RFX4: variants seen among roughly 807,000 people sequenced by gnomAD.
RFX4 encodes regulatory factor X4, also known as transcription factor RFX4.
RFX4 carries 10 observed loss-of-function variants against 95.0 expected under a neutral mutation model. The ratio of observed to expected loss-of-function variants is 0.11; its 90% CI spans 0.06 to 0.18. The LOEUF (loss-of-function observed/expected upper bound fraction) is 0.18, where lower values mean the gene tolerates loss of function less well. Among genes scored for constraint, RFX4 ranks in the 10% least tolerant of loss-of-function variants. The pLI is 1.00. For synonymous variants in RFX4, 321 were observed against 340.7 expected, an observed-to-expected ratio of 0.94 and a Z score of 0.64; for missense variants, 640 against 922.0, an observed-to-expected ratio of 0.69 and a Z score of 3.96.
intron 2 of RFX4, among the ~76,000 whole-genome samples, chr12:106,624,309 T>G (rs1441589025): frequency 6.6e-6 from 1 of 152,136 alleles, no homozygotes; most frequent in Non-Finnish European, 1.5e-5. Flanking sequence ...TAATAATTTT[T>G]TCATTTTTAT....
chr12:106,685,273 A>G (rs2041620166), intron 5 of RFX4, among the ~76,000 whole-genome samples: 1 of 151,784 alleles, frequency 6.6e-6, no homozygotes, highest in Non-Finnish European at 1.5e-5. Flanking sequence ...ATGTTTTGTA[A>G]GTGATTCTTA....
At chr12:106,733,110 T>G in intron 15 of RFX4, 25 bp downstream of exon 15, 1 of 1,611,560 alleles carries the variant, frequency 6.2e-7, no homozygotes, top group Non-Finnish European at 8.5e-7. Context: ...TTCAAAAACT[T>G]TGGGTAGTTA....
rs115150410 is a variant in RFX4, at chr12:106,680,049, C to T, written c.316-1944C>T. On this transcript the variant is annotated intron_variant, in intron 4 of 17. Transcript: ENST00000392842. ...GGGATTTATTGCCTACAAAGTGGTA[C>T]CCTTAAAGAATTCAGAGAATTGTTG... Among the ~76,000 whole-genome samples the T allele has an allele frequency of 8.3e-3, 1,269 of 152,282 alleles. 25 individuals carry two copies. Among genetic ancestry groups the T allele is most frequent in the African/African-American group, 0.029 (1,211 of 41,556 alleles).
intron 1 of RFX4, among the ~76,000 whole-genome samples, chr12:106,591,130 C>CTTAT (rs1555223849): frequency 6.6e-6 from 1 of 151,924 alleles, no homozygotes; most frequent in African/African-American, 2.4e-5. Context: ...ACAATCTCTT[C>CTTAT]TTCTTTCTTT....
intron 1 of RFX4, among the ~76,000 whole-genome samples, chr12:106,603,944 G>A (rs1262090149): frequency 2.6e-5 from 4 of 152,056 alleles, no homozygotes; most frequent in Non-Finnish European, 5.9e-5. Flanking sequence ...TTTATTGTGC[G>A]ACATCTATGG....
At chr12:106,642,071 C>T (rs1188267747) in intron 3 of RFX4, among the ~76,000 whole-genome samples, 7 of 151,564 alleles carry the variant, frequency 4.6e-5, no homozygotes, top group Non-Finnish European at 8.8e-5. Flanking sequence ...AGTGCAATGG[C>T]GTGAGCTCGG....
chr12:106,677,871 T>C (rs1173489095), intron 4 of RFX4, among the ~76,000 whole-genome samples: 2 of 151,986 alleles, frequency 1.3e-5, no homozygotes, highest in Non-Finnish European at 2.9e-5. Flanking sequence ...TCAGGAGACA[T>C]CCTGAAGGCA....
chr12:106,689,369 G>C lies in RFX4; in HGVS notation c.669+5G>C. The C allele has an allele frequency of 6.2e-7, 1 of 1,601,818 alleles. No individual in the cohort carries two copies. Among genetic ancestry groups the C allele is most frequent in the Non-Finnish European group, 8.6e-7 (1 of 1,168,782 alleles). ...ATAAGAGCCAACTTTGATGAGGTAG[G>C]TCAACAAGGGTTGAGCTGTGAATAC... On this transcript the variant is annotated splice_donor_5th_base_variant and intron_variant, in intron 7 of 17. Transcript: ENST00000392842.
rs1237404104 is a variant in RFX4 at position 106,720,490 on chromosome 12, C to G, written c.1234-269C>G. Among the ~76,000 whole-genome samples the G allele has an allele frequency of 6.6e-6, 1 of 152,112 alleles. No individual in the cohort carries two copies. Among genetic ancestry groups the G allele is most frequent in the Non-Finnish European group, 1.5e-5 (1 of 68,034 alleles). On this transcript the variant is annotated intron_variant, in intron 12 of 17. Transcript: ENST00000392842. This position sits in a 1 kb window ranked among gnomAD's most constrained non-coding sequence, Gnocchi z 4.2. ...TTGACCTCCCCAGGCTCATGTGATC[C>G]TCCCACCTCAGCCTCCTGAGTAGCT...
Position 106,713,015 on chromosome 12 carries a change from C to T in RFX4, c.993+1504C>T, listed in dbSNP as rs186882210. Among the ~76,000 whole-genome samples the T allele has an allele frequency of 1.9e-3, 286 of 152,290 alleles. 1 individual carries two copies. Among genetic ancestry groups the T allele is most frequent in the African/African-American group, 6.4e-3 (265 of 41,566 alleles). On this transcript the variant is annotated intron_variant, in intron 10 of 17. Coordinates refer to ENST00000392842, the MANE Select transcript of RFX4 (RefSeq NM_213594.3). ...GCACAAGCGTAGGGGCGCACACACA[C>T]GTTCCCTCTCCACCTTCCGCACAAA...
At chr12:106,622,010 A>G (rs2040196205) in intron 2 of RFX4, among the ~76,000 whole-genome samples, 1 of 152,102 alleles carries the variant, frequency 6.6e-6, no homozygotes, top group South Asian at 2.1e-4. Context: ...AGTGCAAGCT[A>G]CTTTATCATG....
intron 3 of RFX4, among the ~76,000 whole-genome samples, chr12:106,640,918 T>A (rs773817651): frequency 6.6e-6 from 1 of 151,754 alleles, no homozygotes; most frequent in Non-Finnish European, 1.5e-5. Flanking sequence ...CTAGCTGGGA[T>A]CACAGGTGCC....
chr12:106,718,490 G>T (rs1001145246), intron 11 of RFX4, among the ~76,000 whole-genome samples: 7 of 152,176 alleles, frequency 4.6e-5, no homozygotes, highest in Non-Finnish European at 5.9e-5. Context: ...TTGTAAAATG[G>T]AGGATAATAA....
intron 2 of RFX4, among the ~76,000 whole-genome samples, chr12:106,636,972 T>C (rs190340644): frequency 5.9e-5 from 9 of 152,252 alleles, no homozygotes; most frequent in Admixed American, 1.3e-4. Flanking sequence ...CATTCAAAAG[T>C]AGAACAGGCC....
At chr12:106,687,182 T>TCTCACACACACACA (rs1443795120) in intron 6 of RFX4, 85 bp downstream of exon 6, 57 of 547,202 alleles carry the variant, frequency 1.0e-4, no homozygotes, top group African/African-American at 8.7e-4. Flanking sequence ...TCTCTCTCTC[T>TCTCACACACACACA]CACACACACA....
rs17751408 is a variant in RFX4, at chr12:106,627,852, C to T, written c.131-11480C>T. ...GGTGGTCAGGAGCTGTTTTGTATTTCCACTGAGATGTAGGCCAAATGCCCT... is the reference window on the plus strand; with the variant it reads ...GGTGGTCAGGAGCTGTTTTGTATTTTCACTGAGATGTAGGCCAAATGCCCT... On this transcript the variant is annotated intron_variant, in intron 2 of 17. Transcript: ENST00000392842. Among the ~76,000 whole-genome samples, 1,209 of 152,282 alleles carry T rather than the reference C, an allele frequency of 7.9e-3. 11 individuals are homozygous for T. The highest frequency in any genetic ancestry group is 8.9e-3 in the Non-Finnish European group (608 of 68,016).
intron 8 of RFX4, among the ~76,000 whole-genome samples, chr12:106,697,653 C>T (rs746161862): frequency 2.3e-4 from 35 of 152,070 alleles, no homozygotes; most frequent in Non-Finnish European, 4.0e-4. Flanking sequence ...TTCTGGCTCC[C>T]GGTGTTGCCA....
At chr12:106,634,413 C>T (rs2040473338) in intron 2 of RFX4, among the ~76,000 whole-genome samples, 1 of 152,180 alleles carries the variant, frequency 6.6e-6, no homozygotes, top group Admixed American at 6.5e-5. Context: ...CAAGGGCAAC[C>T]TTTCCCCGCA....
rs909785034 is a variant in RFX4, at chr12:106,583,075, C to T, written c.-246C>T. On this transcript the variant is annotated 5_prime_UTR_variant, in exon 1 of 18. Transcript: ENST00000392842. Reference sequence around the variant, plus strand: ...GTCCCCTTGCTCGCTCGCTTTTTCTCTCTCCCCCTTCTCCGAGCTCGCTCC... The same window carrying T: ...GTCCCCTTGCTCGCTCGCTTTTTCTTTCTCCCCCTTCTCCGAGCTCGCTCC... The T allele has an allele frequency of 2.3e-6, 1 of 441,544 alleles. No individual in the cohort carries two copies. Among genetic ancestry groups the T allele is most frequent in the Non-Finnish European group, 3.9e-6 (1 of 253,874 alleles). 27.4% of individuals were successfully genotyped at this position (441,544 alleles called of 1,614,324 possible).
Sources: gnomAD v4.1 joint callset for allele counts (sites outside exome capture counted in the v4.1 genomes callset) on GRCh38, gnomAD v4.1.1 for gene constraint, Gnocchi (gnomAD v3.1) non-coding constraint, MANE v1.5 for transcripts, NCBI Gene and HGNC (gene_info 2026-07-23, HGNC 2026-07-21) for gene names.